PKNOX2: variants seen among roughly 807,000 people sequenced by gnomAD.
The protein encoded by PKNOX2 is PBX/knotted 1 homeobox 2.
A neutral mutation model predicts 53.1 loss-of-function variants in PKNOX2; 14 were observed. That is an observed-to-expected ratio of 0.26 (90% confidence interval 0.17 to 0.41). The LOEUF (loss-of-function observed/expected upper bound fraction) is 0.41, where lower values mean the gene tolerates loss of function less well. Among genes scored for constraint, PKNOX2 ranks in the 10% least tolerant of loss-of-function variants. The pLI, the probability that PKNOX2 is intolerant of heterozygous loss-of-function variation, is 1.00. For missense variants in PKNOX2, 496 were observed against 602.8 expected (o/e 0.82, Z 1.85); for synonymous variants, 257 against 242.8 (o/e 1.06, Z -0.54).
intron 5 of PKNOX2, among the ~76,000 whole-genome samples, chr11:125,379,560 T>A (rs995512225): frequency 1.3e-5 from 2 of 152,076 alleles, no homozygotes; most frequent in Non-Finnish European, 2.9e-5. Flanking sequence ...TGGGGAGGAA[T>A]ATGTGGGCTT....
chr11:125,345,734 G>T (rs894044568), intron 3 of PKNOX2, among the ~76,000 whole-genome samples: 2 of 152,046 alleles, frequency 1.3e-5, no homozygotes, highest in African/African-American at 4.8e-5. Context: ...TTATAGCACT[G>T]GGGTGAATTT....
chr11:125,357,554 C>T (rs1951686340), intron 4 of PKNOX2, among the ~76,000 whole-genome samples: 1 of 152,150 alleles, frequency 6.6e-6, no homozygotes, highest in South Asian at 2.1e-4. Context: ...GGATACAAAG[C>T]CTAAAATAAA....
intron 1 of PKNOX2, among the ~76,000 whole-genome samples, chr11:125,192,197 A>G (rs1193045577): frequency 1.3e-5 from 2 of 152,088 alleles, no homozygotes; most frequent in East Asian, 3.9e-4. Flanking sequence ...TTTTCTCACC[A>G]TAAACGTGGG....
At chr11:125,321,413 T>A (rs1949510002) in intron 2 of PKNOX2, among the ~76,000 whole-genome samples, 1 of 152,252 alleles carries the variant, frequency 6.6e-6, no homozygotes, top group Non-Finnish European at 1.5e-5. Context: ...TACTCCTGTA[T>A]ACTTTAAATC....
chr11:125,322,385 C>T (rs1035791), intron 2 of PKNOX2, among the ~76,000 whole-genome samples: 58,661 of 151,928 alleles, frequency 0.39, 13,488 homozygotes, highest in African/African-American at 0.65. Context: ...TCTGCCCTTT[C>T]GTTCTACAGC....
rs139832752 is a variant in PKNOX2 at position 125,335,354 on chromosome 11, C to T, written c.-23+3429C>T. Among the ~76,000 whole-genome samples the T allele has an allele frequency of 4.1e-3, 623 of 152,322 alleles. 10 individuals carry two copies. Among genetic ancestry groups the T allele is most frequent in the African/African-American group, 0.014 (588 of 41,578 alleles). Reference sequence around the variant, plus strand: ...TTCTGTCTTTTCTGGACATCATAATCCAACCGCATGACCTTTTATTGGCCA... The same window carrying T: ...TTCTGTCTTTTCTGGACATCATAATTCAACCGCATGACCTTTTATTGGCCA... On this transcript the variant is annotated intron_variant, in intron 3 of 12. Coordinates refer to ENST00000298282, the MANE Select transcript of PKNOX2 (RefSeq NM_001382323.2).
intron 2 of PKNOX2, among the ~76,000 whole-genome samples, chr11:125,301,224 G>A (rs1055180732): frequency 6.6e-6 from 1 of 152,124 alleles, no homozygotes; most frequent in Non-Finnish European, 1.5e-5. Context: ...AGGACTCCAG[G>A]CAGTAGGGAC....
At chr11:125,197,570 G>A (rs890809616) in intron 1 of PKNOX2, among the ~76,000 whole-genome samples, 8 of 152,302 alleles carry the variant, frequency 5.3e-5, no homozygotes, top group Admixed American at 4.6e-4. Context: ...CTCTCCTGGG[G>A]CCTTAGCTGG....
intron 2 of PKNOX2, among the ~76,000 whole-genome samples, chr11:125,277,881 A>T (rs1022445881): frequency 1.3e-5 from 2 of 152,066 alleles, no homozygotes. Context: ...TCTTACATGT[A>T]CCCCCCAAAT....
chr11:125,307,524 C>A (rs1239012674), intron 2 of PKNOX2, among the ~76,000 whole-genome samples: 1 of 152,168 alleles, frequency 6.6e-6, no homozygotes, highest in East Asian at 1.9e-4. Context: ...CACCATTGCA[C>A]CCCAGCCTGT....
chr11:125,388,105 G>A (rs570344832), intron 6 of PKNOX2, among the ~76,000 whole-genome samples: 16 of 152,080 alleles, frequency 1.1e-4, no homozygotes, highest in African/African-American at 3.4e-4. Flanking sequence ...CCGTGCGGCC[G>A]GGACCATGAA....
intron 5 of PKNOX2, among the ~76,000 whole-genome samples, chr11:125,382,826 G>A (rs527561525): frequency 2.6e-5 from 4 of 152,312 alleles, no homozygotes; most frequent in South Asian, 2.1e-4. Flanking sequence ...GTCTTCAGCC[G>A]AATGGCTAAG....
intron 2 of PKNOX2, among the ~76,000 whole-genome samples, chr11:125,291,958 G>C (rs1786435881): frequency 6.6e-6 from 1 of 152,174 alleles, no homozygotes; most frequent in Non-Finnish European, 1.5e-5. Context: ...GTTTCTGTTT[G>C]GGGTGATGGA....
chr11:125,407,546 T>C (rs1955181354), intron 7 of PKNOX2, among the ~76,000 whole-genome samples: 1 of 152,144 alleles, frequency 6.6e-6, no homozygotes, highest in Non-Finnish European at 1.5e-5. Flanking sequence ...AAACAAGGGA[T>C]TGAGAAGTCA....
chr11:125,357,488 C>T lies in PKNOX2; in HGVS notation c.87+6096C>T, dbSNP rs1189878424. On this transcript the variant is annotated intron_variant, in intron 4 of 12. Transcript: ENST00000298282. ...GAGATTTTATTGTCTACTCCCTTGT[C>T]CCCAAGCAGAACGAATGAATGCCCT... is the stretch of plus-strand genomic sequence containing the variant. Among the ~76,000 whole-genome samples the T allele has an allele frequency of 7.9e-5, 12 of 152,254 alleles. No individual in the cohort carries two copies. In the South Asian group the frequency reaches 8.3e-4, roughly 11 times the overall value.
At chr11:125,358,487 G>C (rs1373345344) in intron 4 of PKNOX2, among the ~76,000 whole-genome samples, 2 of 152,338 alleles carry the variant, frequency 1.3e-5, no homozygotes, top group East Asian at 3.9e-4. Context: ...GCAGTTAGGG[G>C]CAGTGAATGT....
At position 125,342,648 on chromosome 11, in the gene PKNOX2, T is replaced by C. The variant is rs373178173; in HGVS notation, c.-22-8636T>C. 7.2e-5 allele frequency among the ~76,000 whole-genome samples: 11 copies of C among 152,144 alleles called. 1 individual carries two copies. Among genetic ancestry groups the C allele is most frequent in the African/African-American group, 2.7e-4 (11 of 41,428 alleles). On this transcript the variant is annotated intron_variant, in intron 3 of 12. Coordinates refer to ENST00000298282, the MANE Select transcript of PKNOX2 (RefSeq NM_001382323.2). Reference sequence around the variant, plus strand: ...CAGTGCCTGAGCGGCTGCTGTCAGCTCTTGACAAATAATAATAAACCTGGG... The same window carrying C: ...CAGTGCCTGAGCGGCTGCTGTCAGCCCTTGACAAATAATAATAAACCTGGG...
chr11:125,370,731 C>G lies in PKNOX2; in HGVS notation c.227+2746C>G, dbSNP rs550748126. Among the ~76,000 whole-genome samples, 5 of 152,246 alleles carry G rather than the reference C, an allele frequency of 3.3e-5. No homozygotes were observed. The highest frequency in any genetic ancestry group is 1.3e-4 in the Admixed American group (2 of 15,292). The stretch of plus-strand genomic sequence containing the variant: ...GCCGCCCTCTCTGCAGCCATTGCCC[C>G]GGGATGACCAGGGAGGGAGCTCAGC... On this transcript the variant is annotated intron_variant, in intron 5 of 12. Coordinates refer to ENST00000298282, the MANE Select transcript of PKNOX2 (RefSeq NM_001382323.2). This position sits in a 1 kb window ranked among gnomAD's most constrained non-coding sequence, Gnocchi z 4.1.
intron 7 of PKNOX2, among the ~76,000 whole-genome samples, chr11:125,401,783 GTGTGTGTA>G (rs1020392625): frequency 1.1e-4 from 16 of 152,062 alleles, no homozygotes; most frequent in African/African-American, 2.2e-4. Context: ...GTGTGTGTGT[GTGTGTGTA>G]TGTGTGTGCA....
Sources: gnomAD v4.1 joint callset for allele counts (sites outside exome capture counted in the v4.1 genomes callset) on GRCh38, gnomAD v4.1.1 for gene constraint, Gnocchi (gnomAD v3.1) non-coding constraint, MANE v1.5 for transcripts, NCBI Gene and HGNC (gene_info 2026-07-23, HGNC 2026-07-21) for gene names.